Variants in IFTAP observed in about 807,000 individuals in gnomAD.
IFTAP encodes the protein intraflagellar transport associated protein, also known as intraflagellar transport-associated protein.
IFTAP carries 19 observed loss-of-function variants against 19.4 expected under a neutral mutation model. The ratio of observed to expected loss-of-function variants is 0.98; its 90% CI spans 0.68 to 1.44. The LOEUF is 1.44. Among genes scored for constraint, IFTAP ranks in the 40% most tolerant of loss-of-function variants. The pLI is 0.00. For synonymous variants in IFTAP, 85 were observed against 83.5 expected (o/e 1.02, Z -0.10); for missense variants, 240 against 253.6 (o/e 0.95, Z 0.36).
At chr11:36,634,104 C>G (rs766530757) in intron 3 of IFTAP, among the ~76,000 whole-genome samples, 1 of 151,956 alleles carries the variant, frequency 6.6e-6, no homozygotes, top group Non-Finnish European at 1.5e-5. Flanking sequence ...CAGCAGATGC[C>G]TATAATTCTT....
intron 5 of IFTAP, 24 bp from the exon 6 acceptor site, chr11:36,658,995 T>G (rs1481168611): frequency 6.6e-7 from 1 of 1,504,472 alleles, no homozygotes. Flanking sequence ...TGTATGTTTT[T>G]TCCTCCTTTG....
chr11:36,600,803 T>C (rs1378686753), intron 1 of IFTAP, among the ~76,000 whole-genome samples: 1 of 152,124 alleles, frequency 6.6e-6, no homozygotes, highest in African/African-American at 2.4e-5. Flanking sequence ...CTTTATCTTA[T>C]GGGAAAAATA....
At chr11:36,644,609 A>G (rs373626277) in intron 4 of IFTAP, among the ~76,000 whole-genome samples, 2 of 152,104 alleles carry the variant, frequency 1.3e-5, no homozygotes, top group African/African-American at 4.8e-5. Context: ...CAAATGTCCA[A>G]CAATGATAGA....
chr11:36,621,543 G>A (rs759836743), intron 2 of IFTAP, among the ~76,000 whole-genome samples: 1 of 151,842 alleles, frequency 6.6e-6, no homozygotes, highest in Non-Finnish European at 1.5e-5. Context: ...GACTTAATTT[G>A]CCTTTTGCAT....
intron 2 of IFTAP, among the ~76,000 whole-genome samples, chr11:36,626,919 G>A (rs916633314): frequency 2.0e-5 from 3 of 151,022 alleles, no homozygotes; most frequent in African/African-American, 7.4e-5. Context: ...ATAATTAAGG[G>A]GGTACAGAAT....
At chr11:36,626,597 C>A (rs1467014669) in intron 2 of IFTAP, among the ~76,000 whole-genome samples, 2 of 151,200 alleles carry the variant, frequency 1.3e-5, no homozygotes, top group Non-Finnish European at 2.9e-5. Context: ...ACAGTGAGAT[C>A]CCTGCTCTCC....
intron 5 of IFTAP, among the ~76,000 whole-genome samples, chr11:36,650,769 T>G (rs1853687268): frequency 1.3e-5 from 2 of 151,872 alleles, no homozygotes; most frequent in South Asian, 4.2e-4. Flanking sequence ...AGTGTTCTCA[T>G]TGTTCAATTC....
chr11:36,654,911 A>G (rs1471054700), intron 5 of IFTAP, among the ~76,000 whole-genome samples: 2 of 151,988 alleles, frequency 1.3e-5, no homozygotes, highest in Non-Finnish European at 2.9e-5. Flanking sequence ...TCCCACTCAA[A>G]TCTACCTTCT....
chr11:36,659,255 A>G lies in IFTAP; in HGVS notation c.*69A>G. ...TCTTATTCTAGCAACATTAGAATAA[A>G]AGATAAACCTACTATAATTCCCTTT... is the stretch of plus-strand genomic sequence containing the variant. On this transcript the variant is annotated 3_prime_UTR_variant, in exon 6 of 6. Coordinates refer to ENST00000334307, the MANE Select transcript of IFTAP (RefSeq NM_138787.4). The G allele has an allele frequency of 7.5e-7, 1 of 1,326,968 alleles. No individual in the cohort carries two copies. Among genetic ancestry groups the G allele is most frequent in the Non-Finnish European group, 1.0e-6 (1 of 1,003,630 alleles). The allele number at this position is 1,326,968 out of a possible 1,614,324, so 82.2% of individuals were successfully genotyped here.
chr11:36,622,604 G>A (rs1852343195), intron 2 of IFTAP, among the ~76,000 whole-genome samples: 1 of 152,056 alleles, frequency 6.6e-6, no homozygotes, highest in Non-Finnish European at 1.5e-5. Context: ...CTCTGAATCT[G>A]TAAATCAGGG....
At chr11:36,637,391 C>T (rs1469420443) in intron 4 of IFTAP, among the ~76,000 whole-genome samples, 3 of 152,150 alleles carry the variant, frequency 2.0e-5, no homozygotes, top group African/African-American at 4.8e-5. Flanking sequence ...TCACATCCTC[C>T]AGGGAGAGGT....
At chr11:36,643,024 A>G (rs1360093109) in intron 4 of IFTAP, among the ~76,000 whole-genome samples, 7 of 152,206 alleles carry the variant, frequency 4.6e-5, no homozygotes, top group Non-Finnish European at 8.8e-5. Flanking sequence ...CAGGCAGGAG[A>G]AAGAAATAAA....
chr11:36,652,226 G>A (rs367586286), intron 5 of IFTAP, among the ~76,000 whole-genome samples: 5 of 151,924 alleles, frequency 3.3e-5, no homozygotes, highest in South Asian at 2.1e-4. Flanking sequence ...CTTTTATTTC[G>A]TTGAGCAGTG....
At chr11:36,605,318 G>C (rs1851656228) in intron 1 of IFTAP, among the ~76,000 whole-genome samples, 1 of 123,036 alleles carries the variant, frequency 8.1e-6, no homozygotes, top group Non-Finnish European at 1.6e-5. Flanking sequence ...TATAACCCTA[G>C]TGCTGTTAAA....
In IFTAP at chr11:36,634,610, G is replaced by A. The variant is rs1260174675; in HGVS notation, c.291+1172G>A. ...ATATGTGATGGATGAAGGCCAAAAA[G>A]TATTTTTTCAGATAGTGATGGATGA... is the stretch of plus-strand genomic sequence containing the variant. On this transcript the variant is annotated intron_variant, in intron 3 of 5. Coordinates refer to ENST00000334307, the MANE Select transcript of IFTAP (RefSeq NM_138787.4). Among the ~76,000 whole-genome samples, 20 of 152,108 alleles carry A rather than the reference G, an allele frequency of 1.3e-4. 1 individual carries two copies. Among genetic ancestry groups the A allele is most frequent in the Admixed American group, 1.3e-3 (20 of 15,262 alleles).
At chr11:36,617,629 A>G (rs1229695468) in intron 2 of IFTAP, among the ~76,000 whole-genome samples, 1 of 152,136 alleles carries the variant, frequency 6.6e-6, no homozygotes, top group South Asian at 2.1e-4. Flanking sequence ...ATAATTGCTT[A>G]AAGTGTGTTT....
At chr11:36,602,969 G>A (rs1045615184) in intron 1 of IFTAP, among the ~76,000 whole-genome samples, 12 of 152,054 alleles carry the variant, frequency 7.9e-5, no homozygotes, top group Non-Finnish European at 2.9e-5. Context: ...AAAATGATAG[G>A]GAGTGAGTGG....
Position 36,633,445 on chromosome 11 carries a change from C to A in IFTAP, c.291+7C>A. On this transcript the variant is annotated splice_region_variant and intron_variant, in intron 3 of 5. Coordinates refer to ENST00000334307, the MANE Select transcript of IFTAP (RefSeq NM_138787.4). The stretch of plus-strand genomic sequence containing the variant: ...ACAATGTTTGGAAGAACAGGTAATA[C>A]CAACATAGTACATGTATAGAAACAA... 3 of 1,567,464 alleles carry A rather than the reference C, an allele frequency of 1.9e-6. No individual in the cohort carries two copies. The highest frequency in any genetic ancestry group is 2.6e-6 in the Non-Finnish European group (3 of 1,159,222).
Position 36,659,170 on chromosome 11 carries a change from A to G in IFTAP, c.650A>G (p.Glu217Gly). The G allele has an allele frequency of 6.3e-7, 1 of 1,584,916 alleles. No individual in the cohort carries two copies. Among genetic ancestry groups the G allele is most frequent in the South Asian group, 1.2e-5 (1 of 84,134 alleles). ...AGAAAGGACACCAGCCCAGACTTAG[A>G]GAAATCCTGTGACTGATTCACAGAG... Reference protein sequence around the residue: ...QKRKDTSPDLEKSCD With the variant: ...QKRKDTSPDLGKSCD The change falls in exon 6 of 6, where the codon GAG becomes GGG. Residue 217 changes from glutamate to glycine, a missense_variant. Physicochemically the swap from Glu to Gly is moderately conservative, Grantham distance 98. Coordinates refer to ENST00000334307, the MANE Select transcript of IFTAP (RefSeq NM_138787.4).
Sources: gnomAD v4.1 joint callset for allele counts (sites outside exome capture counted in the v4.1 genomes callset) on GRCh38, gnomAD v4.1.1 for gene constraint, MANE v1.5 for transcripts, NCBI Gene and HGNC (gene_info 2026-07-23, HGNC 2026-07-21) for gene names.